Variants in SLC39A8 observed in about 807,000 individuals in gnomAD.
SLC39A8 encodes the protein solute carrier family 39 member 8, also known as metal cation symporter ZIP8.
Under a neutral mutation model 40.4 loss-of-function variants are expected in SLC39A8, and 15 were observed. The observed-to-expected ratio is 0.37, with a 90% CI of 0.25 to 0.57. SLC39A8 has a LOEUF of 0.57. Ranked by LOEUF, SLC39A8 falls within the 20% of genes least tolerant of loss-of-function variation. SLC39A8 has a pLI of 0.75. For synonymous variants in SLC39A8, 223 were observed against 221.6 expected (o/e 1.01, Z -0.06); for missense variants, 472 against 558.8 (o/e 0.84, Z 1.57).
chr4:102,278,005 A>G (rs1320535246), intron 6 of SLC39A8, among the ~76,000 whole-genome samples: 1 of 152,240 alleles, frequency 6.6e-6, no homozygotes, highest in Non-Finnish European at 1.5e-5. Flanking sequence ...TTGAAGATTT[A>G]AATGTAAGAC....
At chr4:102,336,414 ATAGT>A (rs1449169588) in intron 2 of SLC39A8, among the ~76,000 whole-genome samples, 2 of 152,224 alleles carry the variant, frequency 1.3e-5, no homozygotes, top group African/African-American at 4.8e-5. Context: ...ATTCTCTAAG[ATAGT>A]TAGAGGTCTA....
chr4:102,301,979 G>T (rs1339451169), intron 6 of SLC39A8, among the ~76,000 whole-genome samples: 1 of 151,998 alleles, frequency 6.6e-6, no homozygotes, highest in Non-Finnish European at 1.5e-5. Context: ...TTCATCAGAA[G>T]GAACTTTCCT....
intron 6 of SLC39A8, among the ~76,000 whole-genome samples, chr4:102,268,541 C>T (rs1732209764): frequency 6.6e-6 from 1 of 152,180 alleles, no homozygotes; most frequent in African/African-American, 2.4e-5. Flanking sequence ...CCTCCTATGC[C>T]ACCATGTGAC....
At chr4:102,288,639 G>A (rs987833584) in intron 6 of SLC39A8, among the ~76,000 whole-genome samples, 45 of 152,152 alleles carry the variant, frequency 3.0e-4, no homozygotes, top group African/African-American at 1.0e-3. Flanking sequence ...GAAATTAAAA[G>A]TGCTACTCCA....
At chr4:102,258,600 T>A (rs116625317), downstream of SLC39A8, among the ~76,000 whole-genome samples, 18 of 152,354 alleles carry the variant, frequency 1.2e-4, no homozygotes, top group African/African-American at 4.3e-4. Flanking sequence ...TACTCCCCAC[T>A]GTTCACTAAT....
chr4:102,273,019 T>G (rs755324640), intron 6 of SLC39A8, among the ~76,000 whole-genome samples: 3 of 152,142 alleles, frequency 2.0e-5, no homozygotes, highest in Non-Finnish European at 4.4e-5. Flanking sequence ...ACTGGGTGGT[T>G]GTTTGGGCAG....
In SLC39A8 at chr4:102,262,941, C is replaced by T; in HGVS notation, c.*103G>A. On this transcript the variant is annotated 3_prime_UTR_variant, in exon 9 of 9. Transcript: ENST00000356736. ...AGTTTTCTGGACCTACAGTTGAAAG[C>T]AAAATTATCTTTTTAACTAAATAGG... 6.9e-7 allele frequency: 1 copy of T among 1,447,102 alleles called. No homozygotes were observed. 89.6% of individuals were successfully genotyped at this position (1,447,102 alleles called of 1,614,324 possible).
At chr4:102,273,063 C>A (rs1237000355) in intron 6 of SLC39A8, among the ~76,000 whole-genome samples, 2 of 152,142 alleles carry the variant, frequency 1.3e-5, no homozygotes, top group Admixed American at 1.3e-4. Flanking sequence ...TTTTTCCATA[C>A]CCCAGTGGTG....
downstream of SLC39A8, among the ~76,000 whole-genome samples, chr4:102,259,980 G>C (rs147514725): frequency 9.9e-4 from 150 of 152,222 alleles, 1 homozygote; most frequent in African/African-American, 3.5e-3. Flanking sequence ...GAAAAACATA[G>C]GATTTCTTCA....
intron 6 of SLC39A8, 78 bp downstream of exon 6, chr4:102,304,239 A>G: frequency 9.0e-7 from 1 of 1,111,358 alleles, no homozygotes; most frequent in Non-Finnish European, 1.3e-6. Flanking sequence ...ACAAAAACTG[A>G]CTTAGCTGCA....
exon 12 of SLC39A8, chr4:102,251,825 T>C (rs1033581663): frequency 6.6e-6 from 1 of 152,262 alleles, no homozygotes; most frequent in African/African-American, 2.4e-5. Context: ...ATTCCTTCTG[T>C]GACAGGGAGG....
At chr4:102,326,182 A>G (rs1578619349) in intron 2 of SLC39A8, among the ~76,000 whole-genome samples, 1 of 152,188 alleles carries the variant, frequency 6.6e-6, no homozygotes, top group Non-Finnish European at 1.5e-5. Context: ...ATGTACACCA[A>G]GGGTTTCCCA....
intron 2 of SLC39A8, among the ~76,000 whole-genome samples, chr4:102,335,168 G>C (rs1008903942): frequency 1.3e-5 from 2 of 152,102 alleles, no homozygotes; most frequent in African/African-American, 4.8e-5. Context: ...GAAAACTGTA[G>C]AGCATTATGA....
chr4:102,312,766 T>C (rs1431154487), intron 3 of SLC39A8, among the ~76,000 whole-genome samples: 1 of 152,132 alleles, frequency 6.6e-6, no homozygotes, highest in East Asian at 1.9e-4. Flanking sequence ...ATTTAATCTT[T>C]ACAGCAAGCC....
chr4:102,277,059 G>C (rs1578566998), intron 6 of SLC39A8, among the ~76,000 whole-genome samples: 1 of 152,216 alleles, frequency 6.6e-6, no homozygotes, highest in East Asian at 1.9e-4. Flanking sequence ...GCTGGAAGCA[G>C]TCCCTTTGAA....
At chr4:102,286,105 G>A (rs1443075433) in intron 6 of SLC39A8, among the ~76,000 whole-genome samples, 1 of 151,926 alleles carries the variant, frequency 6.6e-6, no homozygotes, top group Non-Finnish European at 1.5e-5. Context: ...CCTTTATAAG[G>A]CAATCTTTTA....
intron 8 of SLC39A8, among the ~76,000 whole-genome samples, chr4:102,266,768 C>T (rs990665723): frequency 4.6e-5 from 7 of 152,026 alleles, no homozygotes; most frequent in East Asian, 1.9e-4. Flanking sequence ...CCACCACGCC[C>T]GGCTAATTTT....
intron 6 of SLC39A8, among the ~76,000 whole-genome samples, chr4:102,275,027 G>A (rs1732552622): frequency 1.3e-5 from 2 of 152,126 alleles, no homozygotes; most frequent in African/African-American, 4.8e-5. Context: ...TTGACACTAT[G>A]AAGAAACTGC....
chr4:102,254,229 A>T (rs568770132), intron 11 of SLC39A8, among the ~76,000 whole-genome samples: 5 of 152,284 alleles, frequency 3.3e-5, no homozygotes, highest in African/African-American at 1.2e-4. Context: ...ATGTTCTCTA[A>T]CATAACACTC....
Sources: allele counts gnomAD v4.1 joint callset (sites outside exome capture counted in the v4.1 genomes callset), GRCh38; gene constraint gnomAD v4.1.1; transcripts MANE v1.5; gene names NCBI Gene and HGNC (gene_info 2026-07-23, HGNC 2026-07-21).